The following HSP90AA1 variants were observed in gnomAD, a reference collection of about 807,000 sequenced individuals.
The protein encoded by HSP90AA1 is heat shock protein 90 alpha family class A member 1, also known as heat shock protein HSP 90-alpha.
HSP90AA1 carries 18 observed loss-of-function variants against 73.3 expected under a neutral mutation model. That is an observed-to-expected ratio of 0.25 (90% confidence interval 0.17 to 0.36). The LOEUF (loss-of-function observed/expected upper bound fraction) is 0.36, where lower values mean the gene tolerates loss of function less well. HSP90AA1 is among the 10% of genes least tolerant of loss of function. The probability of loss-of-function intolerance (pLI) is 1.00; values close to 1 mark genes in which losing one functional copy is unlikely to be tolerated. For missense variants in HSP90AA1, 704 were observed against 874.2 expected, an observed-to-expected ratio of 0.81 and a Z score of 2.45; for synonymous variants, 477 against 296.9, an observed-to-expected ratio of 1.61 and a Z score of -6.24.
exon 1 of HSP90AA1, chr14:102,139,655 G>C: frequency 1.5e-6 from 1 of 647,174 alleles, no homozygotes; most frequent in Non-Finnish European, 2.6e-6. Context: ...GCATCACCTG[G>C]GAAGCAGCCA....
chr14:102,084,591 C>T, intron 5 of HSP90AA1, 27 bp from the exon 6 acceptor site: 2 of 1,614,150 alleles, frequency 1.2e-6, no homozygotes, highest in South Asian at 1.1e-5. Context: ...ACACTAAGTA[C>T]CAATGAACAA....
At chr14:102,085,260 C>G (rs184564544) in intron 4 of HSP90AA1, 38 bp downstream of exon 4, 13 of 1,598,012 alleles carry the variant, frequency 8.1e-6, no homozygotes, top group Non-Finnish European at 1.1e-5. Context: ...CAATCACCTA[C>G]AGACAGAAAT....
In HSP90AA1 at chr14:102,121,026, C is replaced by CACACACAT. The variant is rs1555364021; in HGVS notation, c.155+18223_155+18224insATGTGTGT. Among the ~76,000 whole-genome samples, 7 of 144,106 alleles carry CACACACAT rather than the reference C, an allele frequency of 4.9e-5. No individual in the cohort carries two copies. In the East Asian group the frequency reaches 1.2e-3, roughly 25 times the overall value. 94.5% of individuals were successfully genotyped at this position (144,106 alleles called of 152,430 possible). ...ACACACACACACACACACACATACA[C>CACACACAT]ACACACACACACACACGTAAAGTTG... On this transcript the variant is annotated intron_variant, in intron 1 of 11. Coordinates refer to the HSP90AA1 transcript ENST00000334701.
chr14:102,095,844 A>G (rs1214861502), intron 2 of HSP90AA1, among the ~76,000 whole-genome samples: 1 of 151,950 alleles, frequency 6.6e-6, no homozygotes, highest in Non-Finnish European at 1.5e-5. Context: ...TTCCACTTCC[A>G]GCTGGGTCTT....
upstream of HSP90AA1, among the ~76,000 whole-genome samples, chr14:102,090,264 C>A (rs1020377385): frequency 1.2e-4 from 18 of 152,072 alleles, no homozygotes; most frequent in African/African-American, 4.3e-4. Context: ...TCTTAGGAAC[C>A]CCACCTGCCT....
At chr14:102,106,481 A>G (rs2049568905) in intron 1 of HSP90AA1, among the ~76,000 whole-genome samples, 1 of 151,942 alleles carries the variant, frequency 6.6e-6, no homozygotes, top group Admixed American at 6.6e-5. Context: ...ATGAAGATGA[A>G]AAGAGGGAAG....
chr14:102,136,328 G>A (rs1367902737), intron 1 of HSP90AA1, among the ~76,000 whole-genome samples: 1 of 151,304 alleles, frequency 6.6e-6, no homozygotes, highest in Non-Finnish European at 1.5e-5. Context: ...CAGCATTTTG[G>A]GAGGGCAAGG....
At chr14:102,100,915 T>C (rs1367581380) in intron 2 of HSP90AA1, among the ~76,000 whole-genome samples, 1 of 152,226 alleles carries the variant, frequency 6.6e-6, no homozygotes, top group Non-Finnish European at 1.5e-5. Context: ...ACGTATAAAC[T>C]CTGACATGGC....
At chr14:102,086,858 G>T in intron 1 of HSP90AA1, 128 bp downstream of exon 1, 1 of 453,176 alleles carries the variant, frequency 2.2e-6, no homozygotes, top group Non-Finnish European at 2.9e-6. Context: ...AGAAAGCGCG[G>T]CCGCCCGGGA....
upstream of HSP90AA1, among the ~76,000 whole-genome samples, chr14:102,088,778 A>T (rs988489381): frequency 2.0e-5 from 3 of 152,026 alleles, no homozygotes; most frequent in African/African-American, 7.3e-5. Context: ...TCCTGTCACC[A>T]CCAGCCACTG....
intron 1 of HSP90AA1, among the ~76,000 whole-genome samples, chr14:102,128,991 C>T (rs930317843): frequency 6.6e-6 from 1 of 151,954 alleles, no homozygotes; most frequent in Non-Finnish European, 1.5e-5. Flanking sequence ...TTCTTTATGG[C>T]GCTCCCTGGA....
At chr14:102,087,196 C>G, upstream of HSP90AA1, 2 of 981,724 alleles carry the variant, frequency 2.0e-6, no homozygotes, top group Non-Finnish European at 2.4e-6. Flanking sequence ...CGGCACCCCG[C>G]CCCCGCGCCT....
At chr14:102,134,342 AAAAG>A (rs2049951956) in intron 1 of HSP90AA1, among the ~76,000 whole-genome samples, 2 of 151,270 alleles carry the variant, frequency 1.3e-5, no homozygotes, top group African/African-American at 4.8e-5. Context: ...AAAAAAAAAA[AAAAG>A]GATGACAGTA....
intron 2 of HSP90AA1, among the ~76,000 whole-genome samples, chr14:102,099,385 C>T (rs2049464971): frequency 6.6e-6 from 1 of 152,042 alleles, no homozygotes; most frequent in Non-Finnish European, 1.5e-5. Context: ...ATGGAGAAAC[C>T]CCATCTCTAC....
intron 3 of HSP90AA1, 98 bp downstream of exon 3, chr14:102,085,654 GCAAACA>G: frequency 6.5e-7 from 1 of 1,543,866 alleles, no homozygotes; most frequent in Non-Finnish European, 8.9e-7. Flanking sequence ...TGATCGTTGG[GCAAACA>G]CAAATTCTGT....
chr14:102,084,393 A>G lies in HSP90AA1; in HGVS notation c.1147+6T>C. ...GACAGTGATTATTTTTCCTATCTATACTTACTCAGATATTCAGGGATTAGC... is the reference window on the plus strand; with the variant it reads ...GACAGTGATTATTTTTCCTATCTATGCTTACTCAGATATTCAGGGATTAGC... On this transcript the variant is annotated splice_donor_region_variant and intron_variant, in intron 6 of 10. Coordinates refer to ENST00000216281, the MANE Select transcript of HSP90AA1 (RefSeq NM_005348.4). 1 of 1,610,530 alleles carries G rather than the reference A, an allele frequency of 6.2e-7. No individual in the cohort carries two copies. Among genetic ancestry groups the G allele is most frequent in the Non-Finnish European group, 8.5e-7 (1 of 1,176,756 alleles).
At chr14:102,086,732 T>C (rs2049248673) in intron 1 of HSP90AA1, among the ~76,000 whole-genome samples, 1 of 150,966 alleles carries the variant, frequency 6.6e-6, no homozygotes, top group Non-Finnish European at 1.5e-5. Context: ...GGGGCCGCTC[T>C]GTTCGCGTGC....
At chr14:102,084,034 G>A (rs772517564) in intron 6 of HSP90AA1, 51 bp from the exon 7 acceptor site, 4 of 1,363,196 alleles carry the variant, frequency 2.9e-6, no homozygotes, top group Non-Finnish European at 4.2e-6. Context: ...GACAAAACTG[G>A]TACTATGTAA....
chr14:102,101,914 G>C lies in HSP90AA1; in HGVS notation c.327C>G (p.Leu109=), dbSNP rs766874443. The change falls in exon 2 of 12, where the codon CTC becomes CTG. Residue 109 remains leucine, a synonymous_variant. Transcript: ENST00000334701. ...ATATAAATGGCTGCAGATCCTTGTA[G>C]AGGTGTTGCCCTGCACCTTGGCTCT... The C allele has an allele frequency of 2.5e-6, 4 of 1,614,184 alleles. No individual in the cohort carries two copies. The South Asian group carries it at 4.4e-5, about 18-fold the overall frequency.
Sources: gnomAD v4.1 joint callset for allele counts (sites outside exome capture counted in the v4.1 genomes callset) on GRCh38, gnomAD v4.1.1 for gene constraint, MANE v1.5 for transcripts, NCBI Gene and HGNC (gene_info 2026-07-23, HGNC 2026-07-21) for gene names.